ARHGAP15: variants seen among roughly 807,000 people sequenced by gnomAD.
ARHGAP15 encodes the protein rho GTPase-activating protein 15.
A neutral mutation model predicts 63.7 loss-of-function variants in ARHGAP15; 51 were observed. The ratio of observed to expected loss-of-function variants is 0.80; its 90% CI spans 0.64 to 1.01. ARHGAP15 has a LOEUF of 1.01. ARHGAP15 is among the 50% of genes least tolerant of loss of function. The pLI is 0.00. For missense variants in ARHGAP15, 560 were observed against 564.6 expected (o/e 0.99, Z 0.08); for synonymous variants, 191 against 193.8 (o/e 0.99, Z 0.12).
At chr2:143,440,422 C>A (rs1302031375) in intron 8 of ARHGAP15, among the ~76,000 whole-genome samples, 1 of 152,120 alleles carries the variant, frequency 6.6e-6, no homozygotes, top group Non-Finnish European at 1.5e-5. Flanking sequence ...AGTCTAAGCA[C>A]AAACTTTATT....
intron 5 of ARHGAP15, among the ~76,000 whole-genome samples, chr2:143,245,682 G>T (rs769827894): frequency 6.6e-6 from 1 of 151,982 alleles, no homozygotes; most frequent in Non-Finnish European, 1.5e-5. Flanking sequence ...ATCTATTTGA[G>T]GGGGAGAAAG....
intron 6 of ARHGAP15, among the ~76,000 whole-genome samples, chr2:143,301,203 C>CT (rs1385113202): frequency 2.0e-5 from 3 of 151,796 alleles, no homozygotes; most frequent in Admixed American, 6.6e-5. Flanking sequence ...ATTTGCATTC[C>CT]TTTTCACTAT....
At chr2:143,558,342 A>C (rs1695893404) in intron 11 of ARHGAP15, among the ~76,000 whole-genome samples, 1 of 152,014 alleles carries the variant, frequency 6.6e-6, no homozygotes, top group African/African-American at 2.4e-5. Context: ...TTTTTCTTCA[A>C]GGCCCAGATT....
At chr2:143,266,836 T>A (rs1019653149) in intron 6 of ARHGAP15, among the ~76,000 whole-genome samples, 1 of 152,164 alleles carries the variant, frequency 6.6e-6, no homozygotes, top group African/African-American at 2.4e-5. Flanking sequence ...CCAAGTATCA[T>A]TGGAGTTTTG....
At chr2:143,133,954 T>G (rs1282396853) in intron 1 of ARHGAP15, among the ~76,000 whole-genome samples, 1 of 152,318 alleles carries the variant, frequency 6.6e-6, no homozygotes, top group Admixed American at 6.5e-5. Context: ...ATAACAAAAC[T>G]AAGGAACTAA....
At chr2:143,650,636 G>GAGGA (rs1219676476) in intron 12 of ARHGAP15, among the ~76,000 whole-genome samples, 1 of 151,866 alleles carries the variant, frequency 6.6e-6, no homozygotes, top group Non-Finnish European at 1.5e-5. Context: ...GCCTTGTTTT[G>GAGGA]AGGAAGGTAA....
chr2:143,232,894 C>G (rs376249450), intron 5 of ARHGAP15, among the ~76,000 whole-genome samples: 3 of 152,014 alleles, frequency 2.0e-5, no homozygotes, highest in South Asian at 2.1e-4. Flanking sequence ...AATATTTTAT[C>G]ATTCCATTTT....
At chr2:143,742,224 C>A (rs1685989340) in intron 13 of ARHGAP15, among the ~76,000 whole-genome samples, 1 of 152,192 alleles carries the variant, frequency 6.6e-6, no homozygotes, top group Admixed American at 6.5e-5. Flanking sequence ...GACAACAATT[C>A]TAGTCATGCA....
chr2:143,278,860 CTTTCTTTCTTTTTT>C (rs1681701928), intron 6 of ARHGAP15, among the ~76,000 whole-genome samples: 2 of 131,006 alleles, frequency 1.5e-5, no homozygotes, highest in Non-Finnish European at 3.2e-5. Context: ...TGAAGAGTTT[CTTTCTTTCTTTTTT>C]TTTTTTTTTG....
At chr2:143,411,648 T>C (rs150696355) in intron 6 of ARHGAP15, among the ~76,000 whole-genome samples, 1 of 152,272 alleles carries the variant, frequency 6.6e-6, no homozygotes, top group East Asian at 1.9e-4. Flanking sequence ...ATTCATTCAA[T>C]AAATAAGTAT....
intron 6 of ARHGAP15, among the ~76,000 whole-genome samples, chr2:143,309,102 T>C (rs1037412262): frequency 6.6e-6 from 1 of 152,028 alleles, no homozygotes; most frequent in African/African-American, 2.4e-5. Context: ...ATAGAAAAAT[T>C]AGAGCGTAAT....
At chr2:143,297,405 A>G (rs1283299803) in intron 6 of ARHGAP15, among the ~76,000 whole-genome samples, 1 of 152,010 alleles carries the variant, frequency 6.6e-6, no homozygotes, top group Non-Finnish European at 1.5e-5. Flanking sequence ...AGCAGCCCAC[A>G]GTGCAAATGT....
rs183857499 is a variant in ARHGAP15 at position 143,616,153 on chromosome 2, G to A, written c.1004-7980G>A. Among the ~76,000 whole-genome samples the A allele has an allele frequency of 1.8e-4, 28 of 152,190 alleles. 1 individual carries two copies. The highest frequency in any genetic ancestry group is 9.8e-4 in the Admixed American group (15 of 15,282). On this transcript the variant is annotated intron_variant, in intron 11 of 13. Transcript: ENST00000295095. ...TGGAGAGCAGCATAATGTCACTAAC[G>A]TCATTTTATAAGGTAGCATTATGCA...
rs971012734 is a variant in ARHGAP15, at chr2:143,524,630, T to C, written c.925+5266T>C. Among the ~76,000 whole-genome samples the C allele has an allele frequency of 3.3e-5, 5 of 152,168 alleles. No homozygotes were observed. In the East Asian group the frequency reaches 9.6e-4, roughly 29 times the overall value. ...TCTTTTTTGGTAATTCCTCTACTGTTAGGAGAAGTTTGAGAGAATATGAAA... is the reference window on the plus strand; with the variant it reads ...TCTTTTTTGGTAATTCCTCTACTGTCAGGAGAAGTTTGAGAGAATATGAAA... On this transcript the variant is annotated intron_variant, in intron 10 of 13. Transcript: ENST00000295095.
rs1387785634 is a variant in ARHGAP15, at chr2:143,147,828, A to G, written c.-14-7649A>G. 1.1e-4 allele frequency among the ~76,000 whole-genome samples: 16 copies of G among 152,152 alleles called. No individual in the cohort carries two copies. In the East Asian group the frequency reaches 2.9e-3, roughly 28 times the overall value. On this transcript the variant is annotated intron_variant, in intron 1 of 13. Coordinates refer to ENST00000295095, the MANE Select transcript of ARHGAP15 (RefSeq NM_018460.4). ...ACAGGGTGCCCTTTTCATAAGATTA[A>G]TGTTTACAAATAGATACTGTAATAT...
At position 143,155,483 on chromosome 2, in the gene ARHGAP15, A is replaced by T; in HGVS notation, c.-8A>T. ...ACATTTTATATTTTATCAGGATAGC[A>T]CTATAATATGCAGAAATCTACAAAT... On this transcript the variant is annotated 5_prime_UTR_variant, in exon 2 of 14. Coordinates refer to ENST00000295095, the MANE Select transcript of ARHGAP15 (RefSeq NM_018460.4). 6.2e-7 allele frequency: 1 copy of T among 1,600,918 alleles called. No individual in the cohort carries two copies. Among genetic ancestry groups the T allele is most frequent in the African/African-American group, 1.4e-5 (1 of 73,904 alleles).
At chr2:143,635,932 G>A (rs1172114097) in intron 12 of ARHGAP15, among the ~76,000 whole-genome samples, 1 of 152,042 alleles carries the variant, frequency 6.6e-6, no homozygotes, top group East Asian at 1.9e-4. Flanking sequence ...CTATTTAAAT[G>A]TGAAGTTCCT....
intron 5 of ARHGAP15, among the ~76,000 whole-genome samples, chr2:143,246,170 C>T (rs1229579533): frequency 1.3e-5 from 2 of 151,760 alleles, no homozygotes; most frequent in Non-Finnish European, 2.9e-5. Flanking sequence ...AGTACATGAC[C>T]TTATGTCAAG....
chr2:143,661,063 AG>A (rs150182102), intron 12 of ARHGAP15, among the ~76,000 whole-genome samples: 3,168 of 152,320 alleles, frequency 0.021, 115 homozygotes, highest in African/African-American at 0.073. Flanking sequence ...GGGAATAACC[AG>A]CTTCCTGCAT....
Sources: gnomAD v4.1 joint callset for allele counts (sites outside exome capture counted in the v4.1 genomes callset) on GRCh38, gnomAD v4.1.1 for gene constraint, MANE v1.5 for transcripts, NCBI Gene and HGNC (gene_info 2026-07-23, HGNC 2026-07-21) for gene names.